Variants in COA1 observed in about 807,000 individuals in gnomAD.
COA1 encodes cytochrome c oxidase assembly factor 1.
COA1 carries 13 observed loss-of-function variants against 16.0 expected under a neutral mutation model. The observed-to-expected ratio is 0.81, with a 90% CI of 0.53 to 1.29. The LOEUF (loss-of-function observed/expected upper bound fraction) is 1.29, where lower values mean the gene tolerates loss of function less well. Among genes scored for constraint, COA1 ranks in the 50% most tolerant of loss-of-function variants. The pLI, the probability that COA1 is intolerant of heterozygous loss-of-function variation, is 0.00. For missense variants in COA1, 179 were observed against 177.0 expected, an observed-to-expected ratio of 1.01 and a Z score of -0.06; for synonymous variants, 65 against 65.7, an observed-to-expected ratio of 0.99 and a Z score of 0.05.
intron 1 of COA1, among the ~76,000 whole-genome samples, chr7:43,720,079 G>C (rs1231827335): frequency 2.6e-5 from 4 of 151,956 alleles, no homozygotes; most frequent in African/African-American, 9.7e-5. Context: ...AGGAGTTCAA[G>C]ACCAGCCTGG....
chr7:43,656,781 C>T (rs550482954), intron 1 of COA1, among the ~76,000 whole-genome samples: 3 of 151,770 alleles, frequency 2.0e-5, no homozygotes, highest in Non-Finnish European at 4.4e-5. Flanking sequence ...ATCATTATAC[C>T]AAAATAAAGC....
intron 1 of COA1, among the ~76,000 whole-genome samples, chr7:43,706,615 T>G (rs1163808519): frequency 6.6e-6 from 1 of 151,918 alleles, no homozygotes; most frequent in Non-Finnish European, 1.5e-5. Context: ...ACACCTATAA[T>G]CCCAGAACTT....
At chr7:43,647,975 C>G (rs948152535) in intron 2 of COA1, 2 of 268,732 alleles carry the variant, frequency 7.4e-6, no homozygotes, top group East Asian at 1.6e-4. Context: ...GGAAGCACAA[C>G]CACTTTGTCT....
intron 1 of COA1, among the ~76,000 whole-genome samples, chr7:43,661,649 A>AAAG (rs1554518588): frequency 6.7e-6 from 1 of 148,674 alleles, no homozygotes; most frequent in African/African-American, 2.4e-5. Context: ...AAAAAAAAAA[A>AAAG]AGAGACATTT....
At chr7:43,661,591 C>G (rs10270300) in intron 1 of COA1, among the ~76,000 whole-genome samples, 22,237 of 151,288 alleles carry the variant, frequency 0.15, 2,172 homozygotes, top group Non-Finnish European at 0.21. Context: ...GAGCCGAGAT[C>G]GCGCCACCGC....
chr7:43,625,064 T>C (rs2084357048), intron 6 of COA1: 2 of 362,542 alleles, frequency 5.5e-6, no homozygotes, highest in African/African-American at 2.1e-5. Context: ...ATGTTATTTT[T>C]AAGAAGGGAG....
At chr7:43,697,940 T>A (rs2094581040) in intron 1 of COA1, among the ~76,000 whole-genome samples, 1 of 152,182 alleles carries the variant, frequency 6.6e-6, no homozygotes, top group South Asian at 2.1e-4. Flanking sequence ...ATGACTAATA[T>A]AAAGGTAGAT....
intron 1 of COA1, among the ~76,000 whole-genome samples, chr7:43,728,918 A>T (rs2095678660): frequency 6.6e-6 from 1 of 152,228 alleles, no homozygotes; most frequent in South Asian, 2.1e-4. Context: ...ATATACATAA[A>T]TACATCCAAT....
intron 1 of COA1, among the ~76,000 whole-genome samples, chr7:43,670,574 T>C (rs2093197062): frequency 6.6e-6 from 1 of 152,208 alleles, no homozygotes; most frequent in African/African-American, 2.4e-5. Flanking sequence ...AAGACAGACC[T>C]TGACCTGAAG....
At chr7:43,646,487 A>G (rs192956701) in intron 3 of COA1, 82 of 448,864 alleles carry the variant, frequency 1.8e-4, no homozygotes, top group African/African-American at 1.5e-3. Flanking sequence ...CTCCCCCATA[A>G]GGCCACATAG....
chr7:43,693,011 G>A (rs997391888), intron 1 of COA1, among the ~76,000 whole-genome samples: 1 of 152,110 alleles, frequency 6.6e-6, no homozygotes, highest in Non-Finnish European at 1.5e-5. Context: ...ATGTCCAGGG[G>A]CTAGGACTGG....
intron 1 of COA1, among the ~76,000 whole-genome samples, chr7:43,662,534 T>G (rs893376984): frequency 6.6e-6 from 1 of 152,204 alleles, no homozygotes; most frequent in African/African-American, 2.4e-5. Flanking sequence ...CTGGCCTATT[T>G]TCATATATTT....
intron 4 of COA1, among the ~76,000 whole-genome samples, chr7:43,643,447 C>T (rs1376342369): frequency 1.3e-5 from 2 of 152,218 alleles, no homozygotes; most frequent in Non-Finnish European, 2.9e-5. Flanking sequence ...AGACAGGCTC[C>T]GCCACACCAT....
At chr7:43,619,941 A>G (rs1168240126) in intron 6 of COA1, among the ~76,000 whole-genome samples, 1 of 152,248 alleles carries the variant, frequency 6.6e-6, no homozygotes, top group Non-Finnish European at 1.5e-5. Flanking sequence ...TACAGAGCTA[A>G]GAGAATTTGA....
At chr7:43,679,198 C>T (rs1389095793) in intron 1 of COA1, among the ~76,000 whole-genome samples, 1 of 129,760 alleles carries the variant, frequency 7.7e-6, no homozygotes, top group Non-Finnish European at 1.5e-5. Flanking sequence ...ACTCGGGAGG[C>T]GGAGGTTGCA....
rs1169946171 is a variant in COA1, at chr7:43,639,816, C to A, written c.342-135G>T. 2.6e-5 allele frequency: 16 copies of A among 613,068 alleles called. 1 individual carries two copies. Among genetic ancestry groups the A allele is most frequent in the South Asian group, 1.4e-4 (7 of 49,770 alleles). 38.0% of individuals were successfully genotyped at this position (613,068 alleles called of 1,614,324 possible). ...TTTTAAACATTATTTTGTGCGAGTGCTGTGTCAACACAATTTTTAACATTC... is the reference window on the plus strand; with the variant it reads ...TTTTAAACATTATTTTGTGCGAGTGATGTGTCAACACAATTTTTAACATTC... On this transcript the variant is annotated intron_variant, in intron 5 of 5. Coordinates refer to ENST00000223336, the MANE Select transcript of COA1 (RefSeq NM_018224.4).
intron 1 of COA1, among the ~76,000 whole-genome samples, chr7:43,705,356 A>G (rs1298663657): frequency 6.6e-6 from 1 of 152,228 alleles, no homozygotes; most frequent in African/African-American, 2.4e-5. Flanking sequence ...ACGTGCCAGC[A>G]GGGGAAGGCT....
chr7:43,654,617 A>AT, intron 1 of COA1, among the ~76,000 whole-genome samples: 1 of 152,336 alleles, frequency 6.6e-6, no homozygotes, highest in South Asian at 2.1e-4. Flanking sequence ...AAGAACAAGA[A>AT]TATAAAAATG....
Position 43,708,911 on chromosome 7 carries a change from G to C in COA1, c.-39+20518C>G, listed in dbSNP as rs973304900. On this transcript the variant is annotated intron_variant, in intron 1 of 5. Transcript: ENST00000223336. The stretch of plus-strand genomic sequence containing the variant: ...GATTTTTGATAAGCAGAAATTCTTG[G>C]TTTTAATAAATTCCAATATATCATT... Among the ~76,000 whole-genome samples the C allele has an allele frequency of 2.6e-5, 4 of 151,588 alleles. No homozygotes were observed. The East Asian group carries it at 7.7e-4, about 29-fold the overall frequency.
Sources: gnomAD v4.1 joint callset for allele counts (sites outside exome capture counted in the v4.1 genomes callset) on GRCh38, gnomAD v4.1.1 for gene constraint, MANE v1.5 for transcripts, NCBI Gene and HGNC (gene_info 2026-07-23, HGNC 2026-07-21) for gene names.